Variants in DLG5 observed in about 807,000 individuals in gnomAD.
DLG5 encodes discs large MAGUK scaffold protein 5, also known as disks large homolog 5.
A neutral mutation model predicts 189.8 loss-of-function variants in DLG5; 48 were observed. That is an observed-to-expected ratio of 0.25 (90% CI 0.20 to 0.32). DLG5 has a LOEUF of 0.32. DLG5 is among the 10% of genes least tolerant of loss of function. The probability of loss-of-function intolerance (pLI) is 1.00; values close to 1 mark genes in which losing one functional copy is unlikely to be tolerated. For missense variants in DLG5, 2,160 were observed against 2,544.7 expected (o/e 0.85, Z 3.25); for synonymous variants, 1,016 against 1,054.1 (o/e 0.96, Z 0.70).
At chr10:77,846,838 C>T (rs1843718829) in intron 5 of DLG5, 2 of 408,842 alleles carry the variant, frequency 4.9e-6, no homozygotes, top group South Asian at 1.7e-5. Flanking sequence ...GTGGCAGCCG[C>T]GGGGAGACGA....
chr10:77,916,672 C>T (rs963330664), intron 1 of DLG5, among the ~76,000 whole-genome samples: 2 of 151,898 alleles, frequency 1.3e-5, no homozygotes, highest in Admixed American at 6.6e-5. Flanking sequence ...TATGGATTTC[C>T]TTAATTAAAA....
At chr10:77,854,449 C>A in intron 3 of DLG5, 79 bp from the exon 4 acceptor site, 1 of 1,572,524 alleles carries the variant, frequency 6.4e-7, no homozygotes. Flanking sequence ...CTGGATTAGG[C>A]CAGCCCAGTG....
chr10:77,857,037 A>T (rs1844270121), intron 2 of DLG5, 145 bp from the exon 3 acceptor site: 1 of 729,028 alleles, frequency 1.4e-6, no homozygotes, highest in Non-Finnish European at 2.2e-6. Flanking sequence ...AGATGAGAAC[A>T]CTGAGCCACA....
At chr10:77,906,103 G>A (rs1323388461) in intron 1 of DLG5, among the ~76,000 whole-genome samples, 1 of 152,212 alleles carries the variant, frequency 6.6e-6, no homozygotes, top group Admixed American at 6.5e-5. Context: ...CAACACTGCA[G>A]TGAACACCCT....
intron 13 of DLG5, 72 bp from the exon 14 acceptor site, chr10:77,824,548 T>A: frequency 8.3e-7 from 1 of 1,203,666 alleles, no homozygotes; most frequent in Non-Finnish European, 1.2e-6. Context: ...GATCTCTGCC[T>A]ACCTAACCTC....
chr10:77,883,304 G>C (rs1352488564), intron 1 of DLG5, among the ~76,000 whole-genome samples: 1 of 152,188 alleles, frequency 6.6e-6, no homozygotes, highest in Admixed American at 6.5e-5. Context: ...GGAGGATGGT[G>C]CTGAGGTTTG....
chr10:77,889,972 T>C (rs1845558615), intron 1 of DLG5, among the ~76,000 whole-genome samples: 1 of 152,022 alleles, frequency 6.6e-6, no homozygotes. Flanking sequence ...TCCACTGAGA[T>C]ATACTGAAGT....
rs558889889 is a variant in DLG5 at position 77,840,498 on chromosome 10, G to A, written c.1437+1383C>T. ...TTTGGGAGGCCGAGGCGGAAGGATC[G>A]CTTGAGTCCAGGAGTTCGAGACCAG... On this transcript the variant is annotated intron_variant, in intron 7 of 31. Coordinates refer to ENST00000372391, the MANE Select transcript of DLG5 (RefSeq NM_004747.4). Among the ~76,000 whole-genome samples the A allele has an allele frequency of 2.5e-4, 38 of 152,294 alleles. No homozygotes were observed. In the South Asian group the frequency reaches 6.8e-3, roughly 27 times the overall value.
chr10:77,812,188 C>A, intron 21 of DLG5, 27 bp downstream of exon 21: 1 of 1,604,600 alleles, frequency 6.2e-7, no homozygotes, highest in Non-Finnish European at 8.5e-7. Flanking sequence ...TCCATGGGCG[C>A]CATGCAGGAG....
chr10:77,792,761 A>G, intron 31 of DLG5: 1 of 537,538 alleles, frequency 1.9e-6, no homozygotes, highest in Non-Finnish European at 3.3e-6. Flanking sequence ...TGCCCACCCC[A>G]CTGCAGTTAA....
intron 6 of DLG5, among the ~76,000 whole-genome samples, chr10:77,842,641 G>A (rs369313643): frequency 2.0e-5 from 3 of 152,284 alleles, no homozygotes; most frequent in East Asian, 1.9e-4. Flanking sequence ...CTTCCAGGCC[G>A]GGGGACATCT....
chr10:77,926,255 T>C lies in DLG5; in HGVS notation c.266A>G (p.Asn89Ser). The C allele has an allele frequency of 6.4e-7, 1 of 1,554,428 alleles. No individual in the cohort carries two copies. The highest frequency in any genetic ancestry group is 8.7e-7 in the Non-Finnish European group (1 of 1,151,900). ...GGGCTGCGGCGGCCCGACGACGCCG[T>C]TCAGGTAGAGAATGGGCAGCAGGTG... The part of the protein sequence containing the change: ...QPHLLPILYL[N>S]GVVGPPQPAE... The change falls in exon 1 of 32, where the codon AAC becomes AGC. Residue 89 changes from asparagine to serine, a missense_variant. Asn to Ser is a conservative substitution (Grantham distance 46). This residue lies in a region of DLG5 where 664 missense variants were observed against 838.5 expected (regional missense o/e 0.79). Coordinates refer to ENST00000372391, the MANE Select transcript of DLG5 (RefSeq NM_004747.4). The surrounding 1 kb of genome is among the most constrained non-coding windows in gnomAD (Gnocchi z 5.2).
chr10:77,905,251 T>C (rs992042264), intron 1 of DLG5, among the ~76,000 whole-genome samples: 9 of 152,034 alleles, frequency 5.9e-5, no homozygotes, highest in African/African-American at 2.2e-4. Flanking sequence ...TCCTCCCACC[T>C]CGGCCTCCAA....
rs1249630339 is a variant in DLG5 at position 77,926,551 on chromosome 10, G to A, written c.-31C>T. On this transcript the variant is annotated 5_prime_UTR_variant, in exon 1 of 32. Transcript: ENST00000372391. This position sits in a 1 kb window ranked among gnomAD's most constrained non-coding sequence, Gnocchi z 5.2. Reference sequence around the variant, plus strand: ...CGGGCCGCGCCGCCCCGCCCCGCCGGACGCCTCCCGGGCCCCCCGAGGCCG... The same window carrying A: ...CGGGCCGCGCCGCCCCGCCCCGCCGAACGCCTCCCGGGCCCCCCGAGGCCG... 1.6e-6 allele frequency: 2 copies of A among 1,234,254 alleles called. No homozygotes were observed. Among genetic ancestry groups the A allele is most frequent in the South Asian group, 7.6e-5 (2 of 26,430 alleles). The allele number at this position is 1,234,254 out of a possible 1,614,324, so 76.5% of individuals were successfully genotyped here. A position where few individuals can be genotyped will look rare whatever the true frequency, so the allele number is the denominator to read the frequency against.
chr10:77,879,778 T>C (rs1259278369), intron 1 of DLG5, among the ~76,000 whole-genome samples: 2 of 151,588 alleles, frequency 1.3e-5, no homozygotes, highest in Admixed American at 6.6e-5. Flanking sequence ...ATGTTGGTCC[T>C]TGCTGAAAGG....
chr10:77,853,502 C>T lies in DLG5; in HGVS notation c.716G>A (p.Arg239Gln), dbSNP rs775580285. The change falls in exon 5 of 32, where the codon CGG becomes CAG. Residue 239 changes from arginine (R) to glutamine (Q), a missense_variant. By Grantham distance (43) the Arg-to-Gln change is conservative. Coordinates refer to ENST00000372391, the MANE Select transcript of DLG5 (RefSeq NM_004747.4). ...LHSRLLSDQT[R>Q]LKDDVDMLRR... Reference sequence around the variant, plus strand: ...CAGCATGTCCACGTCATCCTTCAGCCGAGTCTGGTCACTCAGGAGCCGGCT... The same window carrying T: ...CAGCATGTCCACGTCATCCTTCAGCTGAGTCTGGTCACTCAGGAGCCGGCT... 38 of 1,610,128 alleles carry T rather than the reference C, an allele frequency of 2.4e-5. No homozygotes were observed. Among genetic ancestry groups the T allele is most frequent in the Non-Finnish European group, 2.6e-5 (31 of 1,178,584 alleles).
intron 1 of DLG5, among the ~76,000 whole-genome samples, chr10:77,889,830 A>G (rs1845553809): frequency 6.6e-6 from 1 of 152,134 alleles, no homozygotes; most frequent in Admixed American, 6.5e-5. Flanking sequence ...GTGGTTGACA[A>G]CCATCCTAGG....
intron 27 of DLG5, among the ~76,000 whole-genome samples, chr10:77,802,152 T>C (rs1434572630): frequency 2.6e-5 from 4 of 152,172 alleles, no homozygotes; most frequent in African/African-American, 9.7e-5. Flanking sequence ...ACTGACCCAG[T>C]GGTCCTGAGT....
chr10:77,827,914 A>G (rs2801821), intron 13 of DLG5, among the ~76,000 whole-genome samples: 38,903 of 152,028 alleles, frequency 0.26, 5,535 homozygotes, highest in Admixed American at 0.39. Context: ...GTTTGGGCTG[A>G]GTGCTTATCT....
Sources: gnomAD v4.1 joint callset for allele counts (sites outside exome capture counted in the v4.1 genomes callset) on GRCh38, gnomAD v4.1.1 for gene constraint, gnomAD v4.1.1 regional missense constraint, Gnocchi (gnomAD v3.1) non-coding constraint, MANE v1.5 for transcripts, NCBI Gene and HGNC (gene_info 2026-07-23, HGNC 2026-07-21) for gene names.